CCDC178: variants seen among roughly 807,000 people sequenced by gnomAD.
The protein encoded by CCDC178 is coiled-coil domain-containing protein 178.
CCDC178 carries 126 observed loss-of-function variants against 117.4 expected under a neutral mutation model. That is an observed-to-expected ratio of 1.07 (90% CI 0.93 to 1.24). The LOEUF is 1.24. Among genes scored for constraint, CCDC178 ranks in the 50% most tolerant of loss-of-function variants. CCDC178 has a pLI of 0.00. For missense variants in CCDC178, 1,030 were observed against 986.9 expected, an observed-to-expected ratio of 1.04 and a Z score of -0.59; for synonymous variants, 283 against 313.4, an observed-to-expected ratio of 0.90 and a Z score of 1.02.
intron 21 of CCDC178, among the ~76,000 whole-genome samples, chr18:33,058,414 C>T (rs961286938): frequency 1.3e-5 from 2 of 152,194 alleles, no homozygotes; most frequent in Admixed American, 6.5e-5. Context: ...GTGGACAACT[C>T]TGCATCCTCA....
Position 33,307,689 on chromosome 18 carries a change from G to C in CCDC178, c.1023-14377C>G, listed in dbSNP as rs549895928. ...GTCTGGAGGCCTAGGAGGGAAAAAC[G>C]GTCTTGTAGGCAGTCTTTCCCCCTG... On this transcript the variant is annotated intron_variant, in intron 11 of 22. Coordinates refer to ENST00000383096, the MANE Select transcript of CCDC178 (RefSeq NM_001105528.4). 2.0e-5 allele frequency among the ~76,000 whole-genome samples: 3 copies of C among 152,310 alleles called. No homozygotes were observed. In the East Asian group the frequency reaches 5.8e-4, roughly 30 times the overall value.
chr18:33,014,672 AC>A (rs1409295545), intron 21 of CCDC178, among the ~76,000 whole-genome samples: 1 of 152,222 alleles, frequency 6.6e-6, no homozygotes, highest in Non-Finnish European at 1.5e-5. Context: ...GAGTCCACTG[AC>A]AACATCTGGG....
At chr18:33,008,516 TCTCTA>T (rs1434364172) in intron 21 of CCDC178, among the ~76,000 whole-genome samples, 1 of 152,046 alleles carries the variant, frequency 6.6e-6, no homozygotes, top group African/African-American at 2.4e-5. Context: ...CATTTCCTCC[TCTCTA>T]CTCAATCATT....
chr18:33,362,207 CT>C (rs1599221477), intron 6 of CCDC178, among the ~76,000 whole-genome samples: 2 of 113,746 alleles, frequency 1.8e-5, no homozygotes, highest in East Asian at 5.6e-4. Flanking sequence ...ATATATATAG[CT>C]AATATTCAGC....
At chr18:33,168,098 T>A (rs2058555045) in intron 20 of CCDC178, among the ~76,000 whole-genome samples, 1 of 152,152 alleles carries the variant, frequency 6.6e-6, no homozygotes. Context: ...TGAAGTCCCA[T>A]TTGTCAATAT....
At chr18:33,253,038 T>TA (rs2144718865) in intron 14 of CCDC178, among the ~76,000 whole-genome samples, 3 of 151,986 alleles carry the variant, frequency 2.0e-5, no homozygotes, top group South Asian at 2.1e-4. Context: ...ATCATGTGAA[T>TA]AAGCAATCAA....
chr18:33,233,210 T>C (rs1427374216), intron 15 of CCDC178, among the ~76,000 whole-genome samples: 1 of 152,174 alleles, frequency 6.6e-6, no homozygotes, highest in African/African-American at 2.4e-5. Context: ...TTTTTAGAAA[T>C]AATGTTACTG....
intron 5 of CCDC178, among the ~76,000 whole-genome samples, chr18:33,371,737 T>C (rs2063302879): frequency 6.6e-6 from 1 of 151,526 alleles, no homozygotes; most frequent in South Asian, 2.1e-4. Flanking sequence ...TATAACTATT[T>C]TTTGTATGTT....
chr18:33,258,311 C>T (rs575044278), intron 14 of CCDC178, among the ~76,000 whole-genome samples: 117 of 152,176 alleles, frequency 7.7e-4, no homozygotes, highest in Middle Eastern at 3.4e-3. Context: ...CTAGCAACAC[C>T]GGCCTCCATT....
intron 18 of CCDC178, among the ~76,000 whole-genome samples, chr18:33,221,443 T>C (rs1017381355): frequency 6.6e-6 from 1 of 152,000 alleles, no homozygotes; most frequent in Non-Finnish European, 1.5e-5. Context: ...AGGGTGACTT[T>C]TCAGAAAATT....
chr18:33,095,521 G>A (rs965253917), intron 20 of CCDC178, among the ~76,000 whole-genome samples: 1 of 151,972 alleles, frequency 6.6e-6, no homozygotes, highest in African/African-American at 2.4e-5. Flanking sequence ...CATGAGGGAT[G>A]AGACCATCAT....
chr18:33,086,289 C>A (rs1019516938), intron 21 of CCDC178, among the ~76,000 whole-genome samples: 1 of 151,262 alleles, frequency 6.6e-6, no homozygotes, highest in Non-Finnish European at 1.5e-5. Flanking sequence ...ATAAATAATA[C>A]TTATTTTTTA....
intron 21 of CCDC178, among the ~76,000 whole-genome samples, chr18:32,998,257 C>T (rs1411431994): frequency 6.6e-6 from 1 of 152,198 alleles, no homozygotes; most frequent in African/African-American, 2.4e-5. Context: ...ACTCAGTGGA[C>T]ACTCATGGAG....
chr18:33,096,770 C>T (rs2057549499), intron 20 of CCDC178, among the ~76,000 whole-genome samples: 1 of 152,058 alleles, frequency 6.6e-6, no homozygotes, highest in Non-Finnish European at 1.5e-5. Context: ...TCCACTTCCA[C>T]TCTAGTATTA....
intron 21 of CCDC178, among the ~76,000 whole-genome samples, chr18:33,012,489 T>C (rs1239140367): frequency 6.6e-6 from 1 of 152,146 alleles, no homozygotes; most frequent in African/African-American, 2.4e-5. Context: ...TTACCTTAAA[T>C]AAAAAGTTCC....
chr18:33,185,980 T>C (rs1020603144), intron 20 of CCDC178, among the ~76,000 whole-genome samples: 3 of 152,100 alleles, frequency 2.0e-5, no homozygotes, highest in African/African-American at 7.2e-5. Flanking sequence ...AACAAATCTC[T>C]CCAGGCTTAC....
intron 20 of CCDC178, among the ~76,000 whole-genome samples, chr18:33,149,380 A>G (rs974786280): frequency 6.6e-6 from 1 of 152,240 alleles, no homozygotes; most frequent in Non-Finnish European, 1.5e-5. Context: ...TGAAGGTATC[A>G]CCCATCTCAG....
intron 15 of CCDC178, among the ~76,000 whole-genome samples, chr18:33,240,082 TAGA>T (rs1386865902): frequency 1.3e-5 from 2 of 151,882 alleles, no homozygotes; most frequent in Non-Finnish European, 2.9e-5. Flanking sequence ...TGATAATAAG[TAGA>T]AGATTAAAAC....
intron 5 of CCDC178, among the ~76,000 whole-genome samples, chr18:33,371,433 G>T (rs144480553): frequency 6.6e-6 from 1 of 151,780 alleles, no homozygotes; most frequent in Non-Finnish European, 1.5e-5. Context: ...TGATTTCATA[G>T]ATGAGGAAAT....
Sources: allele counts gnomAD v4.1 joint callset (sites outside exome capture counted in the v4.1 genomes callset), GRCh38; gene constraint gnomAD v4.1.1; transcripts MANE v1.5; gene names NCBI Gene and HGNC (gene_info 2026-07-23, HGNC 2026-07-21).